The following RAD51B variants were observed in gnomAD, a reference collection of about 807,000 sequenced individuals.
RAD51B encodes DNA repair protein RAD51 homolog 2.
Under a neutral mutation model 42.2 loss-of-function variants are expected in RAD51B, and 38 were observed. The ratio of observed to expected loss-of-function variants is 0.90; its 90% CI spans 0.70 to 1.18. RAD51B has a LOEUF of 1.18. RAD51B is among the 50% of genes most tolerant of loss of function. The pLI is 0.00. For missense variants in RAD51B, 373 were observed against 400.7 expected (o/e 0.93, Z 0.59); for synonymous variants, 154 against 145.2 (o/e 1.06, Z -0.43).
chr14:67,876,764 G>A (rs1445950115), intron 5 of RAD51B, among the ~76,000 whole-genome samples: 1 of 152,174 alleles, frequency 6.6e-6, no homozygotes, highest in African/African-American at 2.4e-5. Context: ...CATTGAGAGT[G>A]GATGTAGGGT....
chr14:68,053,649 G>C (rs2076429137), intron 7 of RAD51B, among the ~76,000 whole-genome samples: 1 of 152,190 alleles, frequency 6.6e-6, no homozygotes, highest in Non-Finnish European at 1.5e-5. Context: ...TGTACCATCA[G>C]TAGTCCTTGC....
intron 7 of RAD51B, among the ~76,000 whole-genome samples, chr14:68,008,204 T>G (rs2075623419): frequency 6.6e-6 from 1 of 151,978 alleles, no homozygotes; most frequent in Non-Finnish European, 1.5e-5. Flanking sequence ...GCCAGTATCA[T>G]CTTTAATGGC....
chr14:68,610,757 C>T (rs780120521), intron 10 of RAD51B, among the ~76,000 whole-genome samples: 7 of 152,118 alleles, frequency 4.6e-5, no homozygotes, highest in South Asian at 2.1e-4. Context: ...AGGCCTACCT[C>T]CTCCAAAGGT....
intron 10 of RAD51B, among the ~76,000 whole-genome samples, chr14:68,579,159 A>G (rs1290999): frequency 0.78 from 118,593 of 152,072 alleles, 46,950 homozygotes; most frequent in African/African-American, 0.84. Flanking sequence ...AAAATTCAAG[A>G]GTCTACAGTC....
At chr14:68,404,823 G>A (rs558062292) in intron 8 of RAD51B, among the ~76,000 whole-genome samples, 2 of 152,306 alleles carry the variant, frequency 1.3e-5, no homozygotes, top group Admixed American at 1.3e-4. Context: ...CATCAGAACA[G>A]AGGAAGCCGA....
At chr14:68,267,729 T>G (rs2081020735) in intron 7 of RAD51B, among the ~76,000 whole-genome samples, 2 of 152,208 alleles carry the variant, frequency 1.3e-5, no homozygotes, top group African/African-American at 4.8e-5. Context: ...CAATAGAGGA[T>G]TATAATCTAT....
At chr14:68,005,253 C>T (rs1284998850) in intron 7 of RAD51B, among the ~76,000 whole-genome samples, 1 of 151,782 alleles carries the variant, frequency 6.6e-6, no homozygotes, top group Non-Finnish European at 1.5e-5. Context: ...GGGGTTTCAC[C>T]ATGTTAGTCA....
chr14:68,505,670 C>A (rs1451372113), intron 10 of RAD51B, among the ~76,000 whole-genome samples: 2 of 151,744 alleles, frequency 1.3e-5, no homozygotes, highest in Non-Finnish European at 2.9e-5. Context: ...CCTGCCTCAG[C>A]CTCCCGAGTA....
At chr14:68,506,795 T>C (rs1202491947) in intron 10 of RAD51B, among the ~76,000 whole-genome samples, 2 of 151,968 alleles carry the variant, frequency 1.3e-5, no homozygotes, top group South Asian at 2.1e-4. Flanking sequence ...TTGGGGGAAA[T>C]TGAGGGAAAT....
At chr14:68,654,769 A>AT (rs1467582379) in intron 11 of RAD51B, among the ~76,000 whole-genome samples, 1 of 152,004 alleles carries the variant, frequency 6.6e-6, no homozygotes, top group African/African-American at 2.4e-5. Flanking sequence ...CCTGCAAGTT[A>AT]TTTTTTTCAG....
chr14:68,511,858 C>T (rs1160412982), intron 10 of RAD51B, among the ~76,000 whole-genome samples: 1 of 152,134 alleles, frequency 6.6e-6, no homozygotes, highest in Non-Finnish European at 1.5e-5. Context: ...CCACTGTTCC[C>T]CTTTTGGGTT....
intron 7 of RAD51B, among the ~76,000 whole-genome samples, chr14:68,050,178 A>G (rs550971482): frequency 3.3e-5 from 5 of 152,140 alleles, no homozygotes; most frequent in South Asian, 2.1e-4. Flanking sequence ...TTTTTCCCCA[A>G]CGAGATTATA....
At chr14:68,640,097 C>T (rs777583307) in intron 10 of RAD51B, among the ~76,000 whole-genome samples, 5 of 152,164 alleles carry the variant, frequency 3.3e-5, no homozygotes, top group African/African-American at 7.2e-5. Flanking sequence ...CCACCATGCC[C>T]GGCCCAGGTT....
intron 7 of RAD51B, among the ~76,000 whole-genome samples, chr14:68,062,826 A>G (rs1380337539): frequency 6.7e-6 from 1 of 149,578 alleles, no homozygotes; most frequent in South Asian, 2.1e-4. Flanking sequence ...AAAAAAAAAA[A>G]AAAAAGAAAA....
chr14:68,445,316 A>G (rs779087416), intron 9 of RAD51B, among the ~76,000 whole-genome samples: 10 of 152,176 alleles, frequency 6.6e-5, no homozygotes, highest in Non-Finnish European at 1.0e-4. Context: ...CTCTTACTTA[A>G]AAATGATTCT....
At chr14:68,231,149 G>A (rs1277653461) in intron 7 of RAD51B, among the ~76,000 whole-genome samples, 1 of 152,156 alleles carries the variant, frequency 6.6e-6, no homozygotes, top group African/African-American at 2.4e-5. Context: ...GATTTTAAAA[G>A]GAGGATGACA....
intron 7 of RAD51B, among the ~76,000 whole-genome samples, chr14:67,932,845 G>A (rs2044789981): frequency 6.6e-6 from 1 of 152,200 alleles, no homozygotes; most frequent in Non-Finnish European, 1.5e-5. Flanking sequence ...CACACCACCA[G>A]TGGGGGCACA....
intron 7 of RAD51B, among the ~76,000 whole-genome samples, chr14:68,140,240 G>C (rs1479786779): frequency 6.6e-6 from 1 of 152,180 alleles, no homozygotes; most frequent in East Asian, 1.9e-4. Flanking sequence ...AGGAAGAAAA[G>C]CCTTTAGTCT....
chr14:68,338,708 G>T, intron 8 of RAD51B: 1 of 281,368 alleles, frequency 3.6e-6, no homozygotes, highest in South Asian at 4.1e-5. Flanking sequence ...TTTATGGACA[G>T]AAAACTCAAC....
Sources: gnomAD v4.1 joint callset for allele counts (sites outside exome capture counted in the v4.1 genomes callset) on GRCh38, gnomAD v4.1.1 for gene constraint, MANE v1.5 for transcripts, NCBI Gene and HGNC (gene_info 2026-07-23, HGNC 2026-07-21) for gene names.